Variants in PROSER2 observed in about 807,000 individuals in gnomAD.
The protein encoded by PROSER2 is proline and serine-rich protein 2.
PROSER2 carries 18 observed loss-of-function variants against 14.6 expected under a neutral mutation model. The ratio of observed to expected loss-of-function variants is 1.23; its 90% CI spans 0.85 to 1.83. The LOEUF (loss-of-function observed/expected upper bound fraction) is 1.83. Among genes scored for constraint, PROSER2 ranks in the 40% most tolerant of loss-of-function variants. The probability of loss-of-function intolerance (pLI) is 0.00; values close to 1 mark genes in which losing one functional copy is unlikely to be tolerated. For missense variants in PROSER2, 823 were observed against 629.8 expected (o/e 1.31, Z -3.28); for synonymous variants, 367 against 286.4 (o/e 1.28, Z -2.84).
rs200849989 is a variant in PROSER2, at chr10:11,833,819, G to A, written c.-82+10349G>A. Among the ~76,000 whole-genome samples the A allele has an allele frequency of 2.6e-5, 4 of 152,238 alleles. No individual in the cohort carries two copies. The East Asian group carries it at 7.7e-4, about 29-fold the overall frequency. On this transcript the variant is annotated intron_variant, in intron 1 of 3. Transcript: ENST00000277570. ...GAAAAATGGCACATAGAGTGAGCAAGTGGTGGGTATCAACAGCAGACATGA... is the reference window on the plus strand; with the variant it reads ...GAAAAATGGCACATAGAGTGAGCAAATGGTGGGTATCAACAGCAGACATGA...
chr10:11,866,283 A>G lies in PROSER2; in HGVS notation c.139-248A>G, dbSNP rs1248182467. Among the ~76,000 whole-genome samples the G allele has an allele frequency of 2.0e-5, 3 of 152,088 alleles. No homozygotes were observed. Among genetic ancestry groups the G allele is most frequent in the Non-Finnish European group, 4.4e-5 (3 of 67,998 alleles). On this transcript the variant is annotated intron_variant, in intron 2 of 3. Transcript: ENST00000277570. This position sits in a 1 kb window ranked among gnomAD's most constrained non-coding sequence, Gnocchi z 6.0. ...GGGTGCTTTTTGTCATTGACTTGCT[A>G]GGAACCCCAAGGCGAGGGCCCGTTA...
rs945702869 is a variant in PROSER2 at position 11,823,581 on chromosome 10, G to A, written c.-82+111G>A. ...ACGCCGGCGGGTCGGGCAGAGAGGGGGCGCCGGACCCTGCCTTGGCGCGCT... is the reference window on the plus strand; with the variant it reads ...ACGCCGGCGGGTCGGGCAGAGAGGGAGCGCCGGACCCTGCCTTGGCGCGCT... On this transcript the variant is annotated intron_variant, in intron 1 of 3. Transcript: ENST00000277570. The surrounding 1 kb of genome is among the most constrained non-coding windows in gnomAD (Gnocchi z 6.2). The A allele has an allele frequency of 6.6e-6, 1 of 152,478 alleles. No individual in the cohort carries two copies. The highest frequency in any genetic ancestry group is 2.4e-5 in the African/African-American group (1 of 41,416). The allele number at this position is 152,478 out of a possible 1,614,324, so 9.4% of individuals were successfully genotyped here.
In PROSER2 at chr10:11,866,670, C is replaced by A; in HGVS notation, c.278C>A (p.Ser93Tyr). 2 of 1,614,208 alleles carry A rather than the reference C, an allele frequency of 1.2e-6. No individual in the cohort carries two copies. Among genetic ancestry groups the A allele is most frequent in the African/African-American group, 1.3e-5 (1 of 75,072 alleles). The change falls in exon 3 of 4, where the codon TCT (serine) becomes TAT (tyrosine). Residue 93 changes from serine (S) to tyrosine (Y), a missense_variant. Ser to Tyr is a moderately radical substitution (Grantham distance 144). Coordinates refer to ENST00000277570, the MANE Select transcript of PROSER2 (RefSeq NM_153256.4). The surrounding 1 kb of genome is among the most constrained non-coding windows in gnomAD (Gnocchi z 6.0). ...GGAGTGTGCTGCCTCTGCTCCCCGT[C>A]TCTGGAGGAGAGCACCTCCAGTCCC... The part of the protein sequence containing the change: ...DGGVCCLCSP[S>Y]LEESTSSPSE...
At chr10:11,861,893 G>A (rs1163103664) in intron 2 of PROSER2, among the ~76,000 whole-genome samples, 1 of 152,164 alleles carries the variant, frequency 6.6e-6, no homozygotes, top group Non-Finnish European at 1.5e-5. Flanking sequence ...GGAAGACATA[G>A]GGCAGAAAAC....
chr10:11,841,323 C>T (rs545783802), intron 1 of PROSER2, among the ~76,000 whole-genome samples: 5 of 152,122 alleles, frequency 3.3e-5, no homozygotes, highest in Middle Eastern at 3.4e-3. Flanking sequence ...TGATATTGTT[C>T]ATCCATTTTT....
chr10:11,835,571 A>C (rs1833748700), intron 1 of PROSER2, among the ~76,000 whole-genome samples: 1 of 152,230 alleles, frequency 6.6e-6, no homozygotes, highest in Admixed American at 6.5e-5. Context: ...ATTGAGTTTA[A>C]AAAACTCTAC....
In PROSER2 at chr10:11,866,896, C is replaced by A. The variant is rs1446338475; in HGVS notation, c.391+113C>A. The stretch of plus-strand genomic sequence containing the variant: ...GCCAGTAGAAGTTGTTGAGTCTTAC[C>A]AGATTTTTATAGGGGAAAATACTCC... On this transcript the variant is annotated intron_variant, in intron 3 of 3. Transcript: ENST00000277570. This position sits in a 1 kb window ranked among gnomAD's most constrained non-coding sequence, Gnocchi z 6.0. 10 of 1,272,980 alleles carry A rather than the reference C, an allele frequency of 7.9e-6. No individual in the cohort carries two copies. Among genetic ancestry groups the A allele is most frequent in the Non-Finnish European group, 1.1e-5 (10 of 943,566 alleles). The allele number at this position is 1,272,980 out of a possible 1,614,324, so 78.9% of individuals were successfully genotyped here.
At chr10:11,841,991 G>A (rs1480311787) in intron 1 of PROSER2, among the ~76,000 whole-genome samples, 1 of 152,166 alleles carries the variant, frequency 6.6e-6, no homozygotes. Flanking sequence ...GGGAGGCCGA[G>A]GCAGGCGGAT....
At chr10:11,828,290 ACTCT>A (rs1438170911) in intron 1 of PROSER2, among the ~76,000 whole-genome samples, 1 of 139,314 alleles carries the variant, frequency 7.2e-6, no homozygotes, top group African/African-American at 2.6e-5. Context: ...ACTTAAAGGA[ACTCT>A]CTGTGTGAAA....
rs534669327 is a variant in PROSER2 at position 11,837,396 on chromosome 10, C to T, written c.-82+13926C>T. 6.6e-6 allele frequency among the ~76,000 whole-genome samples: 1 copy of T among 152,274 alleles called. No homozygotes were observed. The highest frequency in any genetic ancestry group is 2.1e-4 in the South Asian group (1 of 4,816). The stretch of plus-strand genomic sequence containing the variant: ...CATTTGTAGGTAGAAGACATGAACA[C>T]GAGCTCCGATTGCTGGCAGACGGGT... On this transcript the variant is annotated intron_variant, in intron 1 of 3. Coordinates refer to ENST00000277570, the MANE Select transcript of PROSER2 (RefSeq NM_153256.4). This position sits in a 1 kb window ranked among gnomAD's most constrained non-coding sequence, Gnocchi z 4.6.
chr10:11,844,675 G>A (rs1833898502), intron 1 of PROSER2, among the ~76,000 whole-genome samples: 1 of 152,140 alleles, frequency 6.6e-6, no homozygotes, highest in South Asian at 2.1e-4. Flanking sequence ...AGGCTGCAGT[G>A]CAGTGGCACG....
rs1351315676 is a variant in PROSER2 at position 11,866,018 on chromosome 10, G to A, written c.139-513G>A. ...TCCGGCTGCCCTGCTTTTGGCTGTT[G>A]GATTCTTCAGGTTCCCCAAAGATGA... On this transcript the variant is annotated intron_variant, in intron 2 of 3. Transcript: ENST00000277570. The surrounding 1 kb of genome is among the most constrained non-coding windows in gnomAD (Gnocchi z 6.0). Among the ~76,000 whole-genome samples the A allele has an allele frequency of 2.6e-5, 4 of 151,954 alleles. No individual in the cohort carries two copies. Among genetic ancestry groups the A allele is most frequent in the Admixed American group, 2.6e-4 (4 of 15,264 alleles).
intron 1 of PROSER2, among the ~76,000 whole-genome samples, chr10:11,842,928 G>GTTTTTTT (rs1554766492): frequency 3.9e-5 from 2 of 51,714 alleles, no homozygotes; most frequent in Non-Finnish European, 8.6e-5. Context: ...TTTTGCCATT[G>GTTTTTTT]TTCTTTTTTT....
intron 2 of PROSER2, among the ~76,000 whole-genome samples, chr10:11,855,094 G>A (rs2131075446): frequency 6.6e-6 from 1 of 151,394 alleles, no homozygotes; most frequent in Non-Finnish European, 1.5e-5. Flanking sequence ...AACCTAGTTA[G>A]GCTGTGGGTT....
chr10:11,835,213 G>A (rs1346088561), intron 1 of PROSER2, among the ~76,000 whole-genome samples: 2 of 152,102 alleles, frequency 1.3e-5, no homozygotes, highest in African/African-American at 4.8e-5. Flanking sequence ...GACCTTGGAG[G>A]AAGAAAACGC....
At chr10:11,834,158 C>G (rs757928640) in intron 1 of PROSER2, among the ~76,000 whole-genome samples, 10 of 151,722 alleles carry the variant, frequency 6.6e-5, no homozygotes, top group Non-Finnish European at 1.3e-4. Flanking sequence ...CCACACCCAG[C>G]TAATTTTTGT....
rs1315192407 is a variant in PROSER2 at position 11,856,320 on chromosome 10, G to A, written c.138+4105G>A. Among the ~76,000 whole-genome samples the A allele has an allele frequency of 6.6e-6, 1 of 152,196 alleles. No homozygotes were observed. The highest frequency in any genetic ancestry group is 1.5e-5 in the Non-Finnish European group (1 of 68,030). ...CCTCGTCTCACAAAACCCCCTGGGT[G>A]CACGGCGAGGGCACGGTGCTGCCTC... On this transcript the variant is annotated intron_variant, in intron 2 of 3. Coordinates refer to ENST00000277570, the MANE Select transcript of PROSER2 (RefSeq NM_153256.4). The surrounding 1 kb of genome is among the most constrained non-coding windows in gnomAD (Gnocchi z 5.3).
intron 1 of PROSER2, 135 bp from the exon 2 acceptor site, chr10:11,851,860 CTT>C: frequency 1.5e-5 from 6 of 397,146 alleles, no homozygotes; most frequent in Non-Finnish European, 2.6e-5. Context: ...AACTGGTTGA[CTT>C]AGCGTTTCCC....
At chr10:11,859,563 C>T (rs891585545) in intron 2 of PROSER2, among the ~76,000 whole-genome samples, 3 of 152,196 alleles carry the variant, frequency 2.0e-5, no homozygotes, top group African/African-American at 7.2e-5. Flanking sequence ...GCTATTTTTG[C>T]TTCTCATTTC....
Sources: allele counts gnomAD v4.1 joint callset (sites outside exome capture counted in the v4.1 genomes callset), GRCh38; gene constraint gnomAD v4.1.1; non-coding constraint Gnocchi (gnomAD v3.1); transcripts MANE v1.5; gene names NCBI Gene and HGNC (gene_info 2026-07-23, HGNC 2026-07-21).